Variants in XRCC1 observed in about 807,000 individuals in gnomAD.
The protein encoded by XRCC1 is X-ray repair cross complementing 1.
Under a neutral mutation model 83.3 loss-of-function variants are expected in XRCC1, and 52 were observed. The observed-to-expected ratio is 0.62, with a 90% CI of 0.50 to 0.79. XRCC1 has a LOEUF of 0.79. XRCC1 is among the 30% of genes least tolerant of loss of function. XRCC1 has a pLI of 0.00. For synonymous variants in XRCC1, 281 were observed against 312.6 expected (o/e 0.90, Z 1.07); for missense variants, 793 against 823.5 (o/e 0.96, Z 0.45).
Position 43,546,660 on chromosome 19 carries a change from G to A in XRCC1, c.1361C>T (p.Pro454Leu), listed in dbSNP as rs561549900. The change falls in exon 12 of 17, where the codon CCT (proline) becomes CTT (leucine). Residue 454 changes from proline to leucine, a missense_variant. By Grantham distance (98) the Pro-to-Leu change is moderately conservative. Transcript: ENST00000262887. Reference protein sequence around the residue: ...GPSSPQKPPTPEETKAASPVL... With the variant: ...GPSSPQKPPTLEETKAASPVL... Reference sequence around the variant, plus strand: ...TGGTGAGGCTGCTTTGGTCTCTTCAGGGGTTGGGGGCTTCTGGGGTGAGCT... The same window carrying A: ...TGGTGAGGCTGCTTTGGTCTCTTCAAGGGTTGGGGGCTTCTGGGGTGAGCT... 6.2e-7 allele frequency: 1 copy of A among 1,611,752 alleles called. No individual in the cohort carries two copies. Among genetic ancestry groups the A allele is most frequent in the Non-Finnish European group, 8.5e-7 (1 of 1,179,404 alleles).
At chr19:43,554,883 G>T (rs1394949765) in intron 3 of XRCC1, 79 bp from the exon 4 acceptor site, 2 of 1,491,276 alleles carry the variant, frequency 1.3e-6, no homozygotes, top group Admixed American at 1.9e-5. Context: ...GGGGAAGAGG[G>T]CACAGGGCCC....
At chr19:43,566,772 A>C (rs1972757353) in intron 2 of XRCC1, among the ~76,000 whole-genome samples, 1 of 148,964 alleles carries the variant, frequency 6.7e-6, no homozygotes, top group Non-Finnish European at 1.5e-5. Flanking sequence ...CCAGCTACTC[A>C]GGAGACTGAG....
chr19:43,566,994 T>TA (rs1216217333), intron 2 of XRCC1, among the ~76,000 whole-genome samples: 4 of 152,132 alleles, frequency 2.6e-5, no homozygotes, highest in Admixed American at 6.6e-5. Context: ...TCCAGTTATT[T>TA]AAAAAACTGA....
Position 43,544,216 on chromosome 19 carries a change from T to C in XRCC1, c.1640A>G (p.His547Arg). The part of the protein sequence containing the change: ...PELPDFFQGK[H>R]FFLYGEFPGD... Reference sequence around the variant, plus strand: ...AGGGAACTCCCCGTAAAGAAAGAAGTGCTTGCCCTGGAAGAAATCTGCAGG... The same window carrying C: ...AGGGAACTCCCCGTAAAGAAAGAAGCGCTTGCCCTGGAAGAAATCTGCAGG... Residue 547 changes from histidine to arginine, a missense_variant, in exon 15 of 17, where the codon CAC becomes CGC. Transcript: ENST00000262887. The C allele has an allele frequency of 6.2e-7, 1 of 1,609,982 alleles. No individual in the cohort carries two copies. The highest frequency in any genetic ancestry group is 2.2e-5 in the East Asian group (1 of 44,836).
intron 2 of XRCC1, 115 bp from the exon 3 acceptor site, chr19:43,561,135 G>A: frequency 1.2e-6 from 1 of 830,808 alleles, no homozygotes. Context: ...AATTCTGTGA[G>A]GGGGCACACC....
At chr19:43,551,204 G>C (rs1017196369) in intron 10 of XRCC1, among the ~76,000 whole-genome samples, 2 of 152,202 alleles carry the variant, frequency 1.3e-5, no homozygotes, top group Non-Finnish European at 2.9e-5. Context: ...CTGACCTCAA[G>C]TGATCCACCT....
chr19:43,571,509 C>T (rs554495573), intron 2 of XRCC1, among the ~76,000 whole-genome samples: 20 of 152,246 alleles, frequency 1.3e-4, no homozygotes, highest in African/African-American at 4.8e-4. Flanking sequence ...GACTGAATTT[C>T]TTTTGTTTTT....
At position 43,553,429 on chromosome 19, in the gene XRCC1, G is replaced by A. The variant is rs1346239052; in HGVS notation, c.573C>T (p.Phe191=). The change falls in exon 6 of 17, where the codon TTC becomes TTT. Residue 191 remains phenylalanine, a synonymous_variant. Coordinates refer to ENST00000262887, the MANE Select transcript of XRCC1 (RefSeq NM_006297.3). ...GGGATGTCTTGTTGATCCGGCTGAA[G>A]AAGAGAGCCCCCGGCCTCAGAGAGT... is the stretch of plus-strand genomic sequence containing the variant. ...SANSLRPGAL[F]FSRINKTSPV... is the part of the protein sequence containing the mutation. 2.5e-6 allele frequency: 4 copies of A among 1,614,078 alleles called. No individual in the cohort carries two copies. Among genetic ancestry groups the A allele is most frequent in the Non-Finnish European group, 3.4e-6 (4 of 1,180,048 alleles).
At chr19:43,548,143 C>A (rs1423205077) in intron 10 of XRCC1, among the ~76,000 whole-genome samples, 1 of 114,278 alleles carries the variant, frequency 8.8e-6, no homozygotes, top group East Asian at 2.3e-4. Flanking sequence ...AGCCGCCCCT[C>A]CAGGAGGGAG....
At chr19:43,568,839 A>G (rs202237772) in intron 2 of XRCC1, among the ~76,000 whole-genome samples, 2 of 150,934 alleles carry the variant, frequency 1.3e-5, no homozygotes, top group East Asian at 3.9e-4. Flanking sequence ...ACCCTTTTGC[A>G]CCTTTTGAAT....
intron 10 of XRCC1, among the ~76,000 whole-genome samples, chr19:43,548,716 G>GTCCTA (rs1483230343): frequency 7.4e-6 from 1 of 134,300 alleles, no homozygotes; most frequent in Non-Finnish European, 1.5e-5. Flanking sequence ...CTTCACTATT[G>GTCCTA]TCCTATGACC....
intron 14 of XRCC1, 120 bp downstream of exon 14, chr19:43,545,698 G>A (rs767358224): frequency 5.9e-6 from 8 of 1,347,838 alleles, no homozygotes; most frequent in Non-Finnish European, 6.1e-6. Flanking sequence ...AGTGGGTTGA[G>A]GAAGGAGAGG....
At chr19:43,570,607 G>A (rs1251815968) in intron 2 of XRCC1, among the ~76,000 whole-genome samples, 2 of 152,168 alleles carry the variant, frequency 1.3e-5, no homozygotes, top group African/African-American at 4.8e-5. Flanking sequence ...AACATAGTGA[G>A]ACCCCATCTC....
At chr19:43,566,393 C>T (rs1450198260) in intron 2 of XRCC1, among the ~76,000 whole-genome samples, 1 of 151,346 alleles carries the variant, frequency 6.6e-6, no homozygotes, top group African/African-American at 2.4e-5. Context: ...ATTAACCAGG[C>T]ATGGTGGCAG....
At chr19:43,557,307 C>CAAAA (rs33984597) in intron 3 of XRCC1, among the ~76,000 whole-genome samples, 6 of 77,860 alleles carry the variant, frequency 7.7e-5, no homozygotes, top group African/African-American at 1.6e-4. Context: ...GACTCCGTCT[C>CAAAA]AAAAAAAAAA....
chr19:43,561,461 G>A (rs974774685), intron 2 of XRCC1, among the ~76,000 whole-genome samples: 1 of 152,196 alleles, frequency 6.6e-6, no homozygotes, highest in African/African-American at 2.4e-5. Context: ...GCTCACCGCT[G>A]GTTCCTGGGT....
chr19:43,567,284 A>C (rs74428266), intron 2 of XRCC1, among the ~76,000 whole-genome samples: 3 of 138,054 alleles, frequency 2.2e-5, no homozygotes, highest in Non-Finnish European at 3.2e-5. Flanking sequence ...AAAAAAAAAA[A>C]CCCTGAAATG....
chr19:43,543,990 A>G (rs1029346980), intron 15 of XRCC1, among the ~76,000 whole-genome samples, 154 bp downstream of exon 15: 5 of 152,008 alleles, frequency 3.3e-5, no homozygotes, highest in Non-Finnish European at 7.4e-5. Flanking sequence ...GCAAGCTAGC[A>G]TTCGGATTCC....
chr19:43,575,447 G>A lies in XRCC1; in HGVS notation c.12C>T (p.Ile4=), dbSNP rs777620461. The A allele has an allele frequency of 4.3e-6, 7 of 1,612,328 alleles. No individual in the cohort carries two copies. The highest frequency in any genetic ancestry group is 2.7e-5 in the African/African-American group (2 of 75,006). ...TGCAGGACACGACATGGCGGAGGCG[G>A]ATCTCCGGCATGTCAACGTCGTGGG... The part of the protein sequence containing the change: MPE[I]RLRHVVSCSS... Residue 4 remains isoleucine (I), a synonymous_variant, in exon 1 of 17, where the codon ATC becomes ATT. Coordinates refer to ENST00000262887, the MANE Select transcript of XRCC1 (RefSeq NM_006297.3).
Sources: allele counts gnomAD v4.1 joint callset (sites outside exome capture counted in the v4.1 genomes callset), GRCh38; gene constraint gnomAD v4.1.1; transcripts MANE v1.5; gene names NCBI Gene and HGNC (gene_info 2026-07-23, HGNC 2026-07-21).